VPS8: variants seen among roughly 807,000 people sequenced by gnomAD.
VPS8 encodes the protein VPS8 subunit of CORVET complex.
In VPS8, 129 loss-of-function variants were observed where a neutral mutation model predicts 216.4. The observed-to-expected ratio is 0.60, with a 90% CI of 0.52 to 0.69. The LOEUF is 0.69. Among genes scored for constraint, VPS8 ranks in the 30% least tolerant of loss-of-function variants. The pLI is 0.00. For synonymous variants in VPS8, 571 were observed against 565.4 expected (o/e 1.01, Z -0.14); for missense variants, 1,531 against 1,683.5 (o/e 0.91, Z 1.59).
At chr3:184,933,656 A>G (rs1256758144) in intron 34 of VPS8, among the ~76,000 whole-genome samples, 1 of 151,952 alleles carries the variant, frequency 6.6e-6, no homozygotes, top group Non-Finnish European at 1.5e-5. Context: ...ATTTTTGTGC[A>G]TAGTATGAGA....
chr3:184,935,128 G>T (rs1741370405), intron 34 of VPS8, among the ~76,000 whole-genome samples: 1 of 151,746 alleles, frequency 6.6e-6, no homozygotes, highest in African/African-American at 2.4e-5. Flanking sequence ...AGGACTTCCA[G>T]ACCAGCCTGG....
chr3:185,038,780 G>T (rs1759243942), intron 46 of VPS8, among the ~76,000 whole-genome samples: 1 of 152,216 alleles, frequency 6.6e-6, no homozygotes, highest in Admixed American at 6.5e-5. Flanking sequence ...GTTGAATGCT[G>T]TTGGAAGCAC....
chr3:184,957,651 T>TA lies in VPS8; in HGVS notation c.3183+131dup, dbSNP rs1280445430. The TA allele has an allele frequency of 3.8e-5, 44 of 1,168,256 alleles. No homozygotes were observed. The East Asian group carries it at 9.4e-4, about 25-fold the overall frequency. 72.4% of individuals were successfully genotyped at this position (1,168,256 alleles called of 1,614,324 possible). A position where few individuals can be genotyped will look rare whatever the true frequency, so the allele number is the denominator to read the frequency against. ...ACCTTATAAATTCTTAGTTGAGACATACTCCTGAAAACAAAAGTCAGATTA... is the reference window on the plus strand; with the variant it reads ...ACCTTATAAATTCTTAGTTGAGACATAACTCCTGAAAACAAAAGTCAGATTA... On this transcript the variant is annotated intron_variant, in intron 37 of 47. Coordinates refer to ENST00000625842, the MANE Select transcript of VPS8 (RefSeq NM_001009921.3).
intron 45 of VPS8, among the ~76,000 whole-genome samples, chr3:185,011,949 C>T (rs1284325904): frequency 4.6e-5 from 7 of 152,024 alleles, no homozygotes; most frequent in African/African-American, 1.7e-4. Flanking sequence ...CATGGGGAAA[C>T]GTCAGCACAG....
At chr3:184,930,327 A>T in intron 33 of VPS8, 143 bp from the exon 34 acceptor site, 1 of 523,506 alleles carries the variant, frequency 1.9e-6, no homozygotes, top group Non-Finnish European at 3.3e-6. Context: ...CTTTATTTTT[A>T]GGGACAGAGT....
intron 39 of VPS8, among the ~76,000 whole-genome samples, chr3:184,967,213 C>A (rs571167295): frequency 2.7e-4 from 41 of 152,290 alleles, no homozygotes; most frequent in African/African-American, 9.1e-4. Flanking sequence ...ATCTGCACAC[C>A]TCAGCCTCCA....
intron 45 of VPS8, among the ~76,000 whole-genome samples, chr3:185,021,951 T>C (rs1044057666): frequency 2.2e-4 from 34 of 152,166 alleles, no homozygotes; most frequent in African/African-American, 7.7e-4. Flanking sequence ...GAACTACTTA[T>C]AGTAATAATT....
Position 184,990,221 on chromosome 3 carries a change from T to C in VPS8, c.3586-3762T>C, listed in dbSNP as rs889046740. On this transcript the variant is annotated intron_variant, in intron 42 of 47. Coordinates refer to ENST00000625842, the MANE Select transcript of VPS8 (RefSeq NM_001009921.3). ...TGTATTTAATCCACGTTAAATCCTC[T>C]CTACTCTGTCTCCTAGAATATTTTA... Among the ~76,000 whole-genome samples the C allele has an allele frequency of 5.9e-5, 9 of 152,222 alleles. 1 individual carries two copies. The highest frequency in any genetic ancestry group is 1.3e-4 in the Admixed American group (2 of 15,290).
intron 23 of VPS8, among the ~76,000 whole-genome samples, chr3:184,896,201 C>T (rs1291777289): frequency 6.6e-6 from 1 of 152,038 alleles, no homozygotes; most frequent in African/African-American, 2.4e-5. Flanking sequence ...GCTAATTTGG[C>T]ATAGTCTTCA....
At chr3:184,977,014 T>G (rs1169574093) in intron 40 of VPS8, among the ~76,000 whole-genome samples, 2 of 152,192 alleles carry the variant, frequency 1.3e-5, no homozygotes, top group African/African-American at 4.8e-5. Flanking sequence ...AGTTCAACTC[T>G]CGGTTCTTTT....
At chr3:184,985,566 A>C (rs892637395) in intron 42 of VPS8, among the ~76,000 whole-genome samples, 3 of 152,172 alleles carry the variant, frequency 2.0e-5, no homozygotes, top group African/African-American at 7.2e-5. Flanking sequence ...GATAATTGCC[A>C]TGCCTACATT....
At position 184,854,163 on chromosome 3, in the gene VPS8, C is replaced by T. The variant is rs1298129525; in HGVS notation, c.1025C>T (p.Pro342Leu). ...TCCTTGAAAGTATGGATGACTTTTC[C>T]CTATGGCCGGGTGAGTACGTCCCTC... is the stretch of plus-strand genomic sequence containing the variant. ...KPSLKVWMTF[P>L]YGRMDPSSVP... Residue 342 changes from proline to leucine, a missense_variant, in exon 13 of 48, where the codon CCC becomes CTC. Physicochemically the swap from Pro to Leu is moderately conservative, Grantham distance 98. Around this residue, in one of 3 missense-constraint regions of VPS8, gnomAD observed 1,318 missense variants for 1,468.4 expected, o/e 0.90. Transcript: ENST00000625842. 1.2e-6 allele frequency: 2 copies of T among 1,613,524 alleles called. No homozygotes were observed. The highest frequency in any genetic ancestry group is 1.7e-6 in the Non-Finnish European group (2 of 1,179,738).
chr3:184,915,826 A>G (rs1002177467), intron 28 of VPS8, among the ~76,000 whole-genome samples: 5 of 152,196 alleles, frequency 3.3e-5, no homozygotes, highest in Admixed American at 3.3e-4. Context: ...GAAAAAAGAA[A>G]AAGCAATATT....
intron 46 of VPS8, among the ~76,000 whole-genome samples, chr3:185,034,567 C>T (rs939733120): frequency 6.6e-6 from 1 of 151,972 alleles, no homozygotes; most frequent in African/African-American, 2.4e-5. Flanking sequence ...TTGAGAATAT[C>T]TCCTCCTGTT....
intron 35 of VPS8, among the ~76,000 whole-genome samples, chr3:184,939,920 C>G (rs1399776096): frequency 1.3e-5 from 2 of 152,098 alleles, no homozygotes; most frequent in Non-Finnish European, 2.9e-5. Flanking sequence ...CTGGGAACAG[C>G]TCGAGGATTT....
intron 29 of VPS8, among the ~76,000 whole-genome samples, chr3:184,923,825 G>A (rs1739086410): frequency 6.6e-6 from 1 of 152,180 alleles, no homozygotes; most frequent in Non-Finnish European, 1.5e-5. Context: ...CCCCTTGTCA[G>A]AATTTCTGCA....
At position 184,894,738 on chromosome 3, in the gene VPS8, G is replaced by C. The variant is rs770129939; in HGVS notation, c.1817G>C (p.Ser606Thr). 8.1e-6 allele frequency: 13 copies of C among 1,607,044 alleles called. No homozygotes were observed. The highest frequency in any genetic ancestry group is 6.7e-5 in the African/African-American group (5 of 74,748). Residue 606 changes from serine to threonine, a missense_variant, in exon 23 of 48, where the codon AGT becomes ACT. Ser to Thr is a moderately conservative substitution (Grantham distance 58). Transcript: ENST00000625842. ...TTTAGTCAGATGTATGATAAATTAA[G>C]TGAGAATTCAGTGGCCAAAGGAGTA... is the stretch of plus-strand genomic sequence containing the variant. ...LLFSQMYDKL[S>T]ENSVAKGVFL... is the part of the protein sequence containing the mutation.
At chr3:185,041,488 T>C (rs1317126490) in intron 46 of VPS8, among the ~76,000 whole-genome samples, 2 of 152,190 alleles carry the variant, frequency 1.3e-5, no homozygotes, top group Admixed American at 6.5e-5. Flanking sequence ...AAACAGGAGT[T>C]GCCTCACGGC....
intron 45 of VPS8, among the ~76,000 whole-genome samples, chr3:185,009,888 C>T (rs1754762605): frequency 6.7e-6 from 1 of 148,634 alleles, no homozygotes. Flanking sequence ...GAGAGCCATA[C>T]AGAGGGCTCC....
Sources: gnomAD v4.1 joint callset for allele counts (sites outside exome capture counted in the v4.1 genomes callset) on GRCh38, gnomAD v4.1.1 for gene constraint, gnomAD v4.1.1 regional missense constraint, MANE v1.5 for transcripts, NCBI Gene and HGNC (gene_info 2026-07-23, HGNC 2026-07-21) for gene names.